Variants in ARHGAP15 observed in about 807,000 individuals in gnomAD.
ARHGAP15 encodes Rho GTPase activating protein 15, also known as rho GTPase-activating protein 15.
In ARHGAP15, 51 loss-of-function variants were observed where a neutral mutation model predicts 63.7. That is an observed-to-expected ratio of 0.80 (90% CI 0.64 to 1.01). The LOEUF is 1.01. Among genes scored for constraint, ARHGAP15 ranks in the 50% least tolerant of loss-of-function variants. ARHGAP15 has a pLI of 0.00. For missense variants in ARHGAP15, 560 were observed against 564.6 expected (o/e 0.99, Z 0.08); for synonymous variants, 191 against 193.8 (o/e 0.99, Z 0.12).
chr2:143,156,436 A>C (rs921012612), intron 2 of ARHGAP15, among the ~76,000 whole-genome samples: 1 of 151,880 alleles, frequency 6.6e-6, no homozygotes, highest in Non-Finnish European at 1.5e-5. Flanking sequence ...CAGTGAGAGC[A>C]AGAGGGAGGA....
chr2:143,378,158 G>A (rs568916560), intron 6 of ARHGAP15, among the ~76,000 whole-genome samples: 12 of 152,028 alleles, frequency 7.9e-5, no homozygotes, highest in Non-Finnish European at 1.2e-4. Context: ...ATTCAGCAAA[G>A]CAGGTGATCT....
intron 6 of ARHGAP15, among the ~76,000 whole-genome samples, chr2:143,308,256 T>C (rs1159488793): frequency 6.6e-6 from 1 of 152,084 alleles, no homozygotes; most frequent in African/African-American, 2.4e-5. Context: ...TCTTAGAGTT[T>C]CATCTCATAC....
chr2:143,144,859 T>C (rs1401807085), intron 1 of ARHGAP15, among the ~76,000 whole-genome samples: 1 of 152,056 alleles, frequency 6.6e-6, no homozygotes, highest in Non-Finnish European at 1.5e-5. Context: ...GAAGACACCA[T>C]AGTAACAAGT....
chr2:143,137,376 G>C (rs1425663055), intron 1 of ARHGAP15, among the ~76,000 whole-genome samples: 1 of 151,968 alleles, frequency 6.6e-6, no homozygotes, highest in Non-Finnish European at 1.5e-5. Context: ...TTGGGCTGTA[G>C]AATCAAGGAA....
At chr2:143,552,451 G>T (rs1695606023) in intron 10 of ARHGAP15, among the ~76,000 whole-genome samples, 1 of 151,738 alleles carries the variant, frequency 6.6e-6, no homozygotes, top group African/African-American at 2.4e-5. Flanking sequence ...TTTATGGTGG[G>T]AATTACTCAT....
intron 13 of ARHGAP15, among the ~76,000 whole-genome samples, chr2:143,737,612 C>A (rs983828467): frequency 6.6e-6 from 1 of 152,140 alleles, no homozygotes; most frequent in Admixed American, 6.5e-5. Flanking sequence ...CAAAAAGATT[C>A]GAACATGCTT....
chr2:143,703,552 C>A (rs1476039912), intron 13 of ARHGAP15, 28 bp downstream of exon 13: 2 of 1,532,014 alleles, frequency 1.3e-6, no homozygotes, highest in Non-Finnish European at 1.8e-6. Flanking sequence ...CTGGATGTGT[C>A]ATTTTATAGT....
In ARHGAP15 at chr2:143,768,273, G is replaced by A. The variant is rs532228570; in HGVS notation, c.*101G>A. On this transcript the variant is annotated 3_prime_UTR_variant, in exon 14 of 14. Coordinates refer to ENST00000295095, the MANE Select transcript of ARHGAP15 (RefSeq NM_018460.4). The stretch of plus-strand genomic sequence containing the variant: ...CTGAAATATTTTTTGCCTTTCAAGC[G>A]ACAGATGCCTCATTTTGTGAAAACT... The A allele has an allele frequency of 7.4e-4, 801 of 1,084,888 alleles. 7 individuals carry two copies. The South Asian group carries it at 9.5e-3, about 13-fold the overall frequency. The allele number at this position is 1,084,888 out of a possible 1,614,324, so 67.2% of individuals were successfully genotyped here.
At chr2:143,304,837 A>G (rs1264177953) in intron 6 of ARHGAP15, among the ~76,000 whole-genome samples, 2 of 152,086 alleles carry the variant, frequency 1.3e-5, no homozygotes, top group Non-Finnish European at 2.9e-5. Context: ...CAGATGCTGG[A>G]GAGGGTATGG....
chr2:143,751,705 G>A lies in ARHGAP15; in HGVS notation c.1245-16284G>A, dbSNP rs1247529557. Among the ~76,000 whole-genome samples, 5 of 152,110 alleles carry A rather than the reference G, an allele frequency of 3.3e-5. No homozygotes were observed. The East Asian group carries it at 5.8e-4, about 18-fold the overall frequency. ...TAATGTCCCAGACCCTCATCCATGG[G>A]AGATCCAAGCTCCTACATACCATGT... On this transcript the variant is annotated intron_variant, in intron 13 of 13. Coordinates refer to ENST00000295095, the MANE Select transcript of ARHGAP15 (RefSeq NM_018460.4).
intron 11 of ARHGAP15, among the ~76,000 whole-genome samples, chr2:143,610,807 C>T (rs1204454931): frequency 6.6e-6 from 1 of 151,974 alleles, no homozygotes; most frequent in African/African-American, 2.4e-5. Flanking sequence ...CGGCTCACTG[C>T]AGCCTCTGCC....
chr2:143,277,789 T>C (rs1336431610), intron 6 of ARHGAP15, among the ~76,000 whole-genome samples: 1 of 152,106 alleles, frequency 6.6e-6, no homozygotes, highest in Non-Finnish European at 1.5e-5. Context: ...CCAGCTTCTG[T>C]AGGGGCCTTT....
At chr2:143,387,909 GCACA>G (rs34299102) in intron 6 of ARHGAP15, among the ~76,000 whole-genome samples, 62 of 149,492 alleles carry the variant, frequency 4.1e-4, no homozygotes, top group East Asian at 7.9e-4. Flanking sequence ...ACGCATGCCT[GCACA>G]CACACACACA....
intron 6 of ARHGAP15, among the ~76,000 whole-genome samples, chr2:143,298,694 C>A (rs1390973007): frequency 6.6e-6 from 1 of 151,820 alleles, no homozygotes; most frequent in Admixed American, 6.6e-5. Context: ...TGGTTTTAAT[C>A]TCCTCACATA....
At chr2:143,700,421 A>C (rs1684033181) in intron 12 of ARHGAP15, among the ~76,000 whole-genome samples, 1 of 152,172 alleles carries the variant, frequency 6.6e-6, no homozygotes, top group Non-Finnish European at 1.5e-5. Context: ...GTAAAGCTTA[A>C]TTTATAGCTG....
At chr2:143,370,659 T>C (rs1424881868) in intron 6 of ARHGAP15, among the ~76,000 whole-genome samples, 1 of 152,196 alleles carries the variant, frequency 6.6e-6, no homozygotes, top group African/African-American at 2.4e-5. Context: ...ATTATATTTG[T>C]TCAACAATAG....
chr2:143,308,480 AC>A (rs1380845210), intron 6 of ARHGAP15, among the ~76,000 whole-genome samples: 4 of 7,452 alleles, frequency 5.4e-4, no homozygotes, highest in African/African-American at 2.1e-3. Context: ...GATAAGAAAC[AC>A]ACACACACAC....
Position 143,360,467 on chromosome 2 carries a change from C to G in ARHGAP15, c.475-75134C>G, listed in dbSNP as rs1288609525. ...TCTAGGACATTGTAGGCATCAACAA[C>G]TTAAAAGCAACAAGTCAACACGATA... On this transcript the variant is annotated intron_variant, in intron 6 of 13. Transcript: ENST00000295095. Among the ~76,000 whole-genome samples the G allele has an allele frequency of 2.0e-5, 3 of 151,512 alleles. No individual in the cohort carries two copies. The East Asian group carries it at 5.8e-4, about 29-fold the overall frequency.
chr2:143,236,046 T>C (rs553305181), intron 5 of ARHGAP15: 15 of 1,504,248 alleles, frequency 1.0e-5, no homozygotes, highest in East Asian at 2.5e-5. Flanking sequence ...GATTGCATCA[T>C]AGAGAAGAAG....
Sources: gnomAD v4.1 joint callset for allele counts (sites outside exome capture counted in the v4.1 genomes callset) on GRCh38, gnomAD v4.1.1 for gene constraint, MANE v1.5 for transcripts, NCBI Gene and HGNC (gene_info 2026-07-23, HGNC 2026-07-21) for gene names.